Variants in SARNP observed in about 807,000 individuals in gnomAD.
The protein encoded by SARNP is SAP domain-containing ribonucleoprotein.
Under a neutral mutation model 38.1 loss-of-function variants are expected in SARNP, and 5 were observed. That is an observed-to-expected ratio of 0.13 (90% CI 0.07 to 0.28). The LOEUF is 0.28. SARNP is among the 10% of genes least tolerant of loss of function. SARNP has a pLI of 1.00. For synonymous variants in SARNP, 84 were observed against 80.6 expected, an observed-to-expected ratio of 1.04 and a Z score of -0.23; for missense variants, 180 against 243.9, an observed-to-expected ratio of 0.74 and a Z score of 1.75.
At chr12:55,776,608 C>T (rs1032002096) in intron 9 of SARNP, among the ~76,000 whole-genome samples, 4 of 151,962 alleles carry the variant, frequency 2.6e-5, no homozygotes, top group African/African-American at 9.7e-5. Flanking sequence ...AGATGTGGAA[C>T]CCATGGATAC....
At chr12:55,771,968 G>C (rs1331127331) in intron 9 of SARNP, among the ~76,000 whole-genome samples, 3 of 152,134 alleles carry the variant, frequency 2.0e-5, no homozygotes, top group African/African-American at 7.2e-5. Context: ...CAGGATGAAT[G>C]ACAGCAACTG....
intron 1 of SARNP, among the ~76,000 whole-genome samples, chr12:55,813,621 C>T (rs1025194772): frequency 4.0e-5 from 6 of 150,192 alleles, no homozygotes; most frequent in East Asian, 2.0e-4. Context: ...ATCGGCTCAC[C>T]GCAACCTCCA....
intron 7 of SARNP, chr12:55,793,848 A>G (rs186544456): frequency 1.6e-4 from 25 of 155,122 alleles, no homozygotes; most frequent in Admixed American, 1.6e-3. Flanking sequence ...CATGGCACAC[A>G]TTTAATAACT....
chr12:55,774,589 AAAAC>A lies in SARNP; in HGVS notation c.502-13953_502-13950del, dbSNP rs1397936373. On this transcript the variant is annotated intron_variant, in intron 9 of 10. Coordinates refer to ENST00000336133, the MANE Select transcript of SARNP (RefSeq NM_033082.4). The stretch of plus-strand genomic sequence containing the variant: ...AAAAAAAAAAACAAACAAAAAAAAA[AAAAC>A]AAAAATTAGCCAGGTGTGGCGGCAT... Among the ~76,000 whole-genome samples the A allele has an allele frequency of 2.5e-4, 38 of 149,108 alleles. 3 individuals are homozygous for A. The highest frequency in any genetic ancestry group is 8.8e-4 in the African/African-American group (35 of 39,608).
chr12:55,781,537 A>C (rs1031273308), intron 9 of SARNP, among the ~76,000 whole-genome samples: 1 of 151,564 alleles, frequency 6.6e-6, no homozygotes, highest in African/African-American at 2.4e-5. Context: ...CCGTCTCAAA[A>C]AAAAAAAAAA....
intron 1 of SARNP, among the ~76,000 whole-genome samples, chr12:55,817,022 C>A (rs1880510045): frequency 6.6e-6 from 1 of 152,082 alleles, no homozygotes; most frequent in South Asian, 2.1e-4. Context: ...GGCCGAGAGC[C>A]GCGTGACAGA....
chr12:55,771,666 A>G (rs1236013748), intron 9 of SARNP, among the ~76,000 whole-genome samples: 1 of 152,220 alleles, frequency 6.6e-6, no homozygotes, highest in Non-Finnish European at 1.5e-5. Context: ...CAGAGAGCTA[A>G]GATGTCATAT....
At chr12:55,782,570 C>T (rs779630449) in intron 9 of SARNP, among the ~76,000 whole-genome samples, 1 of 152,100 alleles carries the variant, frequency 6.6e-6, no homozygotes, top group Non-Finnish European at 1.5e-5. Flanking sequence ...CTATCCATCT[C>T]CCACTCTTTT....
chr12:55,773,681 A>G lies in SARNP; in HGVS notation c.502-13041T>C, dbSNP rs147650254. Among the ~76,000 whole-genome samples, 1,375 of 152,286 alleles carry G rather than the reference A, an allele frequency of 9.0e-3. 7 individuals are homozygous for G. The highest frequency in any genetic ancestry group is 0.015 in the Non-Finnish European group (1,045 of 68,014). On this transcript the variant is annotated intron_variant, in intron 9 of 10. Coordinates refer to ENST00000336133, the MANE Select transcript of SARNP (RefSeq NM_033082.4). ...GACACAAAGGAAAAGGAGTAATATC[A>G]ATAAAGTGGGGGAAAAGGAAAATGG...
intron 9 of SARNP, among the ~76,000 whole-genome samples, chr12:55,774,584 A>AAAAAAAAAAAAAAAAAAAAAAC (rs1879115417): frequency 6.7e-6 from 1 of 148,668 alleles, no homozygotes; most frequent in Non-Finnish European, 1.5e-5. Flanking sequence ...ACAAACAAAA[A>AAAAAAAAAAAAAAAAAAAAAAC]AAAAAAAACA....
At chr12:55,804,183 G>C (rs1393853996) in intron 1 of SARNP, among the ~76,000 whole-genome samples, 2 of 152,066 alleles carry the variant, frequency 1.3e-5, no homozygotes, top group Non-Finnish European at 2.9e-5. Context: ...CATGCATACA[G>C]GTCTAACCAC....
chr12:55,790,601 G>T lies in SARNP; in HGVS notation c.407-9C>A, dbSNP rs369333203. 126 of 1,508,902 alleles carry T rather than the reference G, an allele frequency of 8.4e-5. No individual in the cohort carries two copies. The East Asian group carries it at 2.2e-3, about 27-fold the overall frequency. 93.5% of individuals were successfully genotyped at this position (1,508,902 alleles called of 1,614,324 possible). On this transcript the variant is annotated splice_polypyrimidine_tract_variant and intron_variant, in intron 7 of 10. Transcript: ENST00000336133. ...GTTATCAGATGACAGACCTAAGGAA[G>T]TAAATAAAGTTTTATTTAATATTTT...
chr12:55,797,060 C>A (rs534095861), intron 4 of SARNP, among the ~76,000 whole-genome samples: 1 of 152,262 alleles, frequency 6.6e-6, no homozygotes, highest in East Asian at 1.9e-4. Context: ...CAAACAACTC[C>A]CATAAAACTG....
intron 9 of SARNP, among the ~76,000 whole-genome samples, chr12:55,787,753 T>C (rs921983109): frequency 6.7e-5 from 10 of 148,758 alleles, no homozygotes; most frequent in Non-Finnish European, 1.5e-4. Context: ...TTCTTTCTTT[T>C]TTTTTTTTTT....
chr12:55,772,483 A>C (rs705709), intron 9 of SARNP, among the ~76,000 whole-genome samples: 151,862 of 152,196 alleles, frequency 1, 75,765 homozygotes, highest in East Asian at 1. Flanking sequence ...CCCAACCCCC[A>C]CTCCTCTTCA....
chr12:55,805,067 T>C (rs560058171), intron 1 of SARNP, among the ~76,000 whole-genome samples: 3 of 150,692 alleles, frequency 2.0e-5, no homozygotes, highest in East Asian at 2.0e-4. Flanking sequence ...ATCGAGACCA[T>C]CCTGGCTAAC....
chr12:55,769,074 C>A (rs1203334060), intron 9 of SARNP, among the ~76,000 whole-genome samples: 1 of 152,146 alleles, frequency 6.6e-6, no homozygotes, highest in Non-Finnish European at 1.5e-5. Context: ...TTGCTGATTT[C>A]ATAAACCCTA....
chr12:55,801,119 T>G (rs1879967121), intron 2 of SARNP, among the ~76,000 whole-genome samples: 1 of 152,130 alleles, frequency 6.6e-6, no homozygotes, highest in African/African-American at 2.4e-5. Flanking sequence ...AAGAACTAAA[T>G]GTGAAGTCAA....
intron 10 of SARNP, 187 bp downstream of exon 10, chr12:55,760,364 G>A: frequency 1.8e-6 from 1 of 544,930 alleles, no homozygotes; most frequent in Non-Finnish European, 3.2e-6. Context: ...TTAAGAAGTA[G>A]GTGGGAAAAC....
Sources: allele counts gnomAD v4.1 joint callset (sites outside exome capture counted in the v4.1 genomes callset), GRCh38; gene constraint gnomAD v4.1.1; transcripts MANE v1.5; gene names NCBI Gene and HGNC (gene_info 2026-07-23, HGNC 2026-07-21).